Variants in KIAA1328 observed in about 807,000 individuals in gnomAD.
KIAA1328 encodes protein hinderin.
A neutral mutation model predicts 68.1 loss-of-function variants in KIAA1328; 52 were observed. The observed-to-expected ratio is 0.76, with a 90% confidence interval of 0.61 to 0.96. The LOEUF (loss-of-function observed/expected upper bound fraction) is 0.96, where lower values mean the gene tolerates loss of function less well. KIAA1328 is among the 40% of genes least tolerant of loss of function. The pLI, the probability that KIAA1328 is intolerant of heterozygous loss-of-function variation, is 0.00. For missense variants in KIAA1328, 641 were observed against 677.6 expected, an observed-to-expected ratio of 0.95 and a Z score of 0.60; for synonymous variants, 232 against 239.4, an observed-to-expected ratio of 0.97 and a Z score of 0.28.
chr18:36,894,902 A>T (rs1445554372), intron 5 of KIAA1328, among the ~76,000 whole-genome samples: 5 of 152,252 alleles, frequency 3.3e-5, no homozygotes, highest in South Asian at 4.1e-4. Context: ...GACCAAATGC[A>T]TATTCTTGAT....
chr18:36,844,558 G>A (rs1054536939), intron 4 of KIAA1328, among the ~76,000 whole-genome samples: 15 of 151,932 alleles, frequency 9.9e-5, no homozygotes, highest in African/African-American at 2.2e-4. Flanking sequence ...TATTTGTAGC[G>A]GTCATCTATT....
At chr18:36,830,020 T>G (rs909566767) in intron 1 of KIAA1328, among the ~76,000 whole-genome samples, 2 of 152,238 alleles carry the variant, frequency 1.3e-5, no homozygotes, top group Admixed American at 1.3e-4. Flanking sequence ...TTAGAGGGGT[T>G]ACTTGAAAGA....
chr18:37,007,876 G>A (rs2053838416), intron 6 of KIAA1328, among the ~76,000 whole-genome samples: 1 of 152,218 alleles, frequency 6.6e-6, no homozygotes, highest in South Asian at 2.1e-4. Context: ...AGATGGTGGT[G>A]AGGAGTCAAA....
chr18:37,141,272 A>T (rs970448582), intron 7 of KIAA1328, among the ~76,000 whole-genome samples: 1 of 152,164 alleles, frequency 6.6e-6, no homozygotes, highest in Non-Finnish European at 1.5e-5. Flanking sequence ...TCCCTAGCCC[A>T]TGCAACCAAT....
At chr18:36,853,670 TA>T (rs1196397631) in intron 4 of KIAA1328, among the ~76,000 whole-genome samples, 2 of 152,222 alleles carry the variant, frequency 1.3e-5, no homozygotes, top group East Asian at 3.9e-4. Flanking sequence ...TTTTTATTTT[TA>T]TTTTTTTGAC....
intron 3 of KIAA1328, among the ~76,000 whole-genome samples, chr18:36,836,341 C>T (rs1419344058): frequency 1.3e-5 from 2 of 152,098 alleles, no homozygotes; most frequent in Non-Finnish European, 2.9e-5. Flanking sequence ...TGAACAATAG[C>T]CTTCTTTTAG....
intron 4 of KIAA1328, among the ~76,000 whole-genome samples, chr18:36,847,880 T>C (rs1186251575): frequency 3.3e-5 from 5 of 151,714 alleles, no homozygotes; most frequent in Non-Finnish European, 5.9e-5. Context: ...AGCCTCCTTG[T>C]CACACTCAAT....
chr18:37,117,826 C>A (rs1222899094), intron 7 of KIAA1328, among the ~76,000 whole-genome samples: 1 of 149,746 alleles, frequency 6.7e-6, no homozygotes, highest in Non-Finnish European at 1.5e-5. Context: ...ATGCATCTCA[C>A]GTTAGATGAT....
At chr18:36,913,976 A>G (rs1310470197) in intron 5 of KIAA1328, among the ~76,000 whole-genome samples, 1 of 152,082 alleles carries the variant, frequency 6.6e-6, no homozygotes, top group East Asian at 1.9e-4. Flanking sequence ...TCCAAAGTAG[A>G]TTTGAGTTTT....
intron 6 of KIAA1328, among the ~76,000 whole-genome samples, chr18:36,965,860 C>T (rs1361584735): frequency 6.6e-6 from 1 of 150,858 alleles, no homozygotes; most frequent in Non-Finnish European, 1.5e-5. Flanking sequence ...TATAATACCA[C>T]TTATAAGCCT....
chr18:36,868,493 A>G (rs1203778762), intron 4 of KIAA1328, among the ~76,000 whole-genome samples: 1 of 152,210 alleles, frequency 6.6e-6, no homozygotes, highest in Non-Finnish European at 1.5e-5. Context: ...GTGCTGAAAG[A>G]CGCTGATAAT....
intron 9 of KIAA1328, among the ~76,000 whole-genome samples, chr18:37,186,094 CTTTTTTTTTT>C (rs748423012): frequency 1.8e-4 from 16 of 90,434 alleles, no homozygotes; most frequent in Non-Finnish European, 1.0e-4. Context: ...TCAAGGATGT[CTTTTTTTTTT>C]TTTTTTTTTT....
At chr18:37,055,926 C>T (rs1470746225) in intron 6 of KIAA1328, among the ~76,000 whole-genome samples, 1 of 152,086 alleles carries the variant, frequency 6.6e-6, no homozygotes, top group East Asian at 1.9e-4. Context: ...ATTGAGTAAT[C>T]CTGTGGTGAA....
At chr18:36,935,665 A>G (rs1401974215) in intron 5 of KIAA1328, among the ~76,000 whole-genome samples, 3 of 152,156 alleles carry the variant, frequency 2.0e-5, no homozygotes, top group African/African-American at 7.2e-5. Flanking sequence ...TTTGTGAGAA[A>G]CAGATTAGGA....
In KIAA1328 at chr18:37,173,052, C is replaced by T; in HGVS notation, c.1494C>T (p.Ala498=). 1 of 1,613,434 alleles carries T rather than the reference C, an allele frequency of 6.2e-7. No homozygotes were observed. The highest frequency in any genetic ancestry group is 1.3e-5 in the African/African-American group (1 of 75,038). The change falls in exon 9 of 10, where the codon GCC becomes GCT. Residue 498 remains alanine, a synonymous_variant. Transcript: ENST00000280020. The part of the protein sequence containing the change: ...TGSLKDFVTT[A]SPSLQHTTSR... ...GCCTAAAGGATTTTGTCACCACAGC[C>T]TCACCATCATTACAGCACACCACCT...
At chr18:37,095,218 A>G (rs553434642) in intron 7 of KIAA1328, among the ~76,000 whole-genome samples, 18 of 152,368 alleles carry the variant, frequency 1.2e-4, no homozygotes, top group African/African-American at 4.3e-4. Flanking sequence ...AATCTGCACT[A>G]TAAACCATAT....
intron 4 of KIAA1328, among the ~76,000 whole-genome samples, chr18:36,856,969 C>A (rs1358989236): frequency 6.6e-6 from 1 of 152,112 alleles, no homozygotes; most frequent in Non-Finnish European, 1.5e-5. Flanking sequence ...TGACCTTGAA[C>A]CACTGAAGCC....
intron 6 of KIAA1328, among the ~76,000 whole-genome samples, chr18:37,042,056 G>GT (rs2055274913): frequency 6.6e-6 from 1 of 151,728 alleles, no homozygotes; most frequent in Admixed American, 6.6e-5. Flanking sequence ...AATTTTGTTT[G>GT]TTTGTTTGTT....
intron 5 of KIAA1328, among the ~76,000 whole-genome samples, chr18:36,904,842 C>G (rs1474511496): frequency 1.3e-5 from 2 of 151,280 alleles, no homozygotes; most frequent in South Asian, 4.2e-4. Context: ...TCTATTTTAT[C>G]TCTTTTGTTG....
Sources: allele counts gnomAD v4.1 joint callset (sites outside exome capture counted in the v4.1 genomes callset), GRCh38; gene constraint gnomAD v4.1.1; transcripts MANE v1.5; gene names NCBI Gene and HGNC (gene_info 2026-07-23, HGNC 2026-07-21).